CSMD1: variants seen among roughly 807,000 people sequenced by gnomAD.
CSMD1 encodes CUB and Sushi multiple domains 1.
CSMD1 carries 213 observed loss-of-function variants against 417.5 expected under a neutral mutation model. The observed-to-expected ratio is 0.51, with a 90% CI of 0.46 to 0.57. The LOEUF (loss-of-function observed/expected upper bound fraction) is 0.57, where lower values mean the gene tolerates loss of function less well. CSMD1 is among the 20% of genes least tolerant of loss of function. The pLI is 0.00. For missense variants in CSMD1, 6,923 were observed against 4,529.7 expected (o/e 1.53, Z -15.17); for synonymous variants, 2,862 against 1,736.8 (o/e 1.65, Z -16.11).
intron 3 of CSMD1, among the ~76,000 whole-genome samples, chr8:4,270,092 C>G (rs1804487986): frequency 6.6e-6 from 1 of 152,078 alleles, no homozygotes; most frequent in Non-Finnish European, 1.5e-5. Context: ...ATGATCAGAT[C>G]AATATTTCAG....
At chr8:3,075,385 G>C (rs1813587531) in intron 49 of CSMD1, among the ~76,000 whole-genome samples, 1 of 150,876 alleles carries the variant, frequency 6.6e-6, no homozygotes, top group South Asian at 2.1e-4. Context: ...GGATTCAAGT[G>C]ATTTTCCTGC....
Position 4,782,689 on chromosome 8 carries a change from G to A in CSMD1, c.86-145131C>T, listed in dbSNP as rs999867387. Among the ~76,000 whole-genome samples the A allele has an allele frequency of 2.6e-5, 4 of 152,210 alleles. No individual in the cohort carries two copies. The South Asian group carries it at 8.3e-4, about 32-fold the overall frequency. ...TACTGTGACTCATACTTCTGCAGAT[G>A]AGTATTTTATCTTTGTCGCTTTAAT... On this transcript the variant is annotated intron_variant, in intron 1 of 69. Coordinates refer to ENST00000635120, the MANE Select transcript of CSMD1 (RefSeq NM_033225.6).
rs182331053 is a variant in CSMD1 at position 4,721,652 on chromosome 8, C to A, written c.86-84094G>T. 4.9e-3 allele frequency among the ~76,000 whole-genome samples: 741 copies of A among 152,218 alleles called. 7 individuals are homozygous for A. Among genetic ancestry groups the A allele is most frequent in the African/African-American group, 0.016 (662 of 41,534 alleles). ...CCAATAATGGAAGAGTATGGAGGTT[C>A]CTCAAAAAATTAAACATAGAAATAT... On this transcript the variant is annotated intron_variant, in intron 1 of 69. Transcript: ENST00000635120.
intron 52 of CSMD1, among the ~76,000 whole-genome samples, chr8:3,015,737 C>A (rs1291956459): frequency 6.6e-6 from 1 of 151,782 alleles, no homozygotes. Flanking sequence ...TGGTGGAAAC[C>A]CAAAGTGATT....
chr8:3,781,138 T>C (rs1030018837), intron 5 of CSMD1, among the ~76,000 whole-genome samples: 4 of 152,208 alleles, frequency 2.6e-5, no homozygotes, highest in African/African-American at 7.2e-5. Context: ...TTGGAGTTCA[T>C]GATCAAGGTT....
intron 10 of CSMD1, among the ~76,000 whole-genome samples, chr8:3,566,053 C>G (rs1003800878): frequency 1.3e-5 from 2 of 152,100 alleles, no homozygotes; most frequent in African/African-American, 2.4e-5. Flanking sequence ...ATACGGGACC[C>G]TGTTTATATC....
chr8:4,024,987 G>A (rs7812369), intron 4 of CSMD1, among the ~76,000 whole-genome samples: 26,509 of 152,210 alleles, frequency 0.17, 3,108 homozygotes, highest in African/African-American at 0.32. Flanking sequence ...CTAGGCCTGG[G>A]TGGGTTTAAA....
At position 2,949,399 on chromosome 8, in the gene CSMD1, A is replaced by AAAGAG. The variant is rs777251815; in HGVS notation, c.10315-14_10315-13insCTCTT. 1 of 1,109,854 alleles carries AAAGAG rather than the reference A, an allele frequency of 9.0e-7. No individual in the cohort carries two copies. The highest frequency in any genetic ancestry group is 1.2e-6 in the Non-Finnish European group (1 of 808,936). The allele number at this position is 1,109,854 out of a possible 1,614,324, so 68.8% of individuals were successfully genotyped here. ...GTCCAGATGACACCTGACACATAGG[A>AAAGAG]AAGAAAAGAAAAGAAATAAAAAGGT... On this transcript the variant is annotated splice_polypyrimidine_tract_variant and intron_variant, in intron 67 of 69. Coordinates refer to ENST00000635120, the MANE Select transcript of CSMD1 (RefSeq NM_033225.6).
chr8:3,756,600 A>T (rs1393137219), intron 5 of CSMD1, among the ~76,000 whole-genome samples: 3 of 152,164 alleles, frequency 2.0e-5, no homozygotes, highest in African/African-American at 7.2e-5. Flanking sequence ...ACTGATATTT[A>T]TTCAATCCCC....
intron 23 of CSMD1, among the ~76,000 whole-genome samples, chr8:3,319,004 A>C (rs1302193209): frequency 6.6e-6 from 1 of 152,232 alleles, no homozygotes; most frequent in Non-Finnish European, 1.5e-5. Context: ...ACAACAACAC[A>C]GATTCAGCCA....
intron 12 of CSMD1, among the ~76,000 whole-genome samples, chr8:3,412,013 TACATATAC>T (rs1250449048): frequency 0.015 from 97 of 6,532 alleles, 37 homozygotes; most frequent in African/African-American, 0.039. Context: ...CGTATATATA[TACATATAC>T]ACACGTATAT....
chr8:4,906,572 G>T (rs1252299001), intron 1 of CSMD1, among the ~76,000 whole-genome samples: 1 of 51,028 alleles, frequency 2.0e-5, no homozygotes, highest in African/African-American at 6.8e-5. Context: ...TACATTTTGA[G>T]TTGCTTTTTT....
Position 3,097,057 on chromosome 8 carries a change from C to A in CSMD1, c.6950-20G>T. Reference sequence around the variant, plus strand: ...ATTGTGCTGGAGAGAAAAGTACCAGCAAAAGTTTGCTTTAATAAAATGATT... The same window carrying A: ...ATTGTGCTGGAGAGAAAAGTACCAGAAAAAGTTTGCTTTAATAAAATGATT... On this transcript the variant is annotated intron_variant, in intron 46 of 69. Transcript: ENST00000635120. The A allele has an allele frequency of 2.7e-6, 4 of 1,492,970 alleles. No individual in the cohort carries two copies. The highest frequency in any genetic ancestry group is 3.5e-4 in the Middle Eastern group (2 of 5,720). 92.5% of individuals were successfully genotyped at this position (1,492,970 alleles called of 1,614,324 possible). A position where few individuals can be genotyped will look rare whatever the true frequency, so the allele number is the denominator to read the frequency against.
At chr8:3,587,377 T>C (rs148200681) in intron 8 of CSMD1, among the ~76,000 whole-genome samples, 1 of 152,188 alleles carries the variant, frequency 6.6e-6, no homozygotes, top group African/African-American at 2.4e-5. Flanking sequence ...GAAATTCTAC[T>C]CATGTTTTTA....
At chr8:3,307,078 T>G (rs1356025031) in intron 25 of CSMD1, among the ~76,000 whole-genome samples, 1 of 152,148 alleles carries the variant, frequency 6.6e-6, no homozygotes, top group African/African-American at 2.4e-5. Context: ...ACACAAGTCT[T>G]TTTAAAATAT....
intron 52 of CSMD1, among the ~76,000 whole-genome samples, chr8:3,008,749 T>C (rs1808155289): frequency 6.6e-6 from 1 of 152,186 alleles, no homozygotes; most frequent in Admixed American, 6.5e-5. Context: ...TCTGCAACAC[T>C]TGCTTTTGCT....
chr8:4,808,603 C>T (rs1798719378), intron 1 of CSMD1, among the ~76,000 whole-genome samples: 1 of 152,238 alleles, frequency 6.6e-6, no homozygotes, highest in Non-Finnish European at 1.5e-5. Context: ...CTAATGGTTT[C>T]ACCCAAAAAT....
chr8:4,435,994 TATTGA>T (rs1798129515), intron 2 of CSMD1, among the ~76,000 whole-genome samples: 2 of 152,160 alleles, frequency 1.3e-5, no homozygotes, highest in East Asian at 1.9e-4. Context: ...GTCACAAACA[TATTGA>T]ATTAACTTCA....
At chr8:4,466,937 T>A (rs2130005993) in intron 2 of CSMD1, among the ~76,000 whole-genome samples, 1 of 152,000 alleles carries the variant, frequency 6.6e-6, no homozygotes, top group Non-Finnish European at 1.5e-5. Context: ...AAATTAGAAT[T>A]TCCTGTGAAC....
Sources: allele counts gnomAD v4.1 joint callset (sites outside exome capture counted in the v4.1 genomes callset), GRCh38; gene constraint gnomAD v4.1.1; transcripts MANE v1.5; gene names NCBI Gene and HGNC (gene_info 2026-07-23, HGNC 2026-07-21).